NEK10: variants seen among roughly 807,000 people sequenced by gnomAD.
NEK10 encodes the protein NIMA related kinase 10, also known as serine/threonine-protein kinase Nek10.
A neutral mutation model predicts 159.8 loss-of-function variants in NEK10; 122 were observed. That is an observed-to-expected ratio of 0.76 (90% CI 0.66 to 0.89). The LOEUF is 0.89. Among genes scored for constraint, NEK10 ranks in the 40% least tolerant of loss-of-function variants. The pLI is 0.00. For synonymous variants in NEK10, 466 were observed against 457.1 expected, an observed-to-expected ratio of 1.02 and a Z score of -0.25; for missense variants, 1,342 against 1,323.1, an observed-to-expected ratio of 1.01 and a Z score of -0.22.
chr3:27,336,765 G>T (rs1476338037), intron 5 of NEK10, among the ~76,000 whole-genome samples: 1 of 152,138 alleles, frequency 6.6e-6, no homozygotes, highest in Non-Finnish European at 1.5e-5. Flanking sequence ...CATCTCAATA[G>T]ATGCAGAAAA....
At chr3:27,356,330 A>G (rs1471968464) in intron 1 of NEK10, among the ~76,000 whole-genome samples, 1 of 152,134 alleles carries the variant, frequency 6.6e-6, no homozygotes, top group Non-Finnish European at 1.5e-5. Context: ...TGGGCAACAT[A>G]CCAAGACTCC....
chr3:27,206,257 AGAAG>A (rs1261219767), intron 23 of NEK10, among the ~76,000 whole-genome samples: 1 of 152,222 alleles, frequency 6.6e-6, no homozygotes, highest in East Asian at 1.9e-4. Context: ...AGTGACTAGT[AGAAG>A]TACTAGTCAC....
At chr3:27,228,895 GATAAA>G (rs995349899) in intron 23 of NEK10, among the ~76,000 whole-genome samples, 4 of 152,004 alleles carry the variant, frequency 2.6e-5, no homozygotes, top group Non-Finnish European at 4.4e-5. Flanking sequence ...CCTTCTCCCT[GATAAA>G]AACCTCAGCA....
chr3:27,206,966 A>G (rs1160457265), intron 23 of NEK10, among the ~76,000 whole-genome samples: 3 of 152,020 alleles, frequency 2.0e-5, no homozygotes, highest in Admixed American at 2.0e-4. Flanking sequence ...TTATTTTTCT[A>G]CTTCCACTTC....
intron 5 of NEK10, among the ~76,000 whole-genome samples, chr3:27,332,121 A>G (rs1185159770): frequency 6.6e-6 from 1 of 152,214 alleles, no homozygotes; most frequent in Non-Finnish European, 1.5e-5. Flanking sequence ...CCACTTCAAA[A>G]TAATACCAAA....
chr3:27,297,592 A>G (rs1352532408), intron 13 of NEK10, among the ~76,000 whole-genome samples: 1 of 152,238 alleles, frequency 6.6e-6, no homozygotes, highest in Non-Finnish European at 1.5e-5. Context: ...AAATATATCT[A>G]TAATGGTTGA....
chr3:27,200,682 A>G (rs371320214), intron 25 of NEK10, among the ~76,000 whole-genome samples: 15 of 152,190 alleles, frequency 9.9e-5, no homozygotes, highest in South Asian at 2.1e-4. Flanking sequence ...CACATGTATA[A>G]TATGTCAGGG....
At chr3:27,152,785 A>T (rs1054326442) in intron 30 of NEK10, among the ~76,000 whole-genome samples, 1 of 152,206 alleles carries the variant, frequency 6.6e-6, no homozygotes, top group Non-Finnish European at 1.5e-5. Flanking sequence ...ACACATAAGG[A>T]CTCACAAAAG....
chr3:27,359,387 T>C (rs1244988017), intron 1 of NEK10, among the ~76,000 whole-genome samples: 1 of 152,214 alleles, frequency 6.6e-6, no homozygotes, highest in Admixed American at 6.5e-5. Flanking sequence ...AAGAAGTCTC[T>C]GTTTCTTCTG....
intron 23 of NEK10, among the ~76,000 whole-genome samples, chr3:27,220,573 C>A (rs556725908): frequency 1.3e-5 from 2 of 151,300 alleles, no homozygotes; most frequent in South Asian, 2.1e-4. Context: ...AGACATCTTG[C>A]GGGGGTGGGG....
chr3:27,257,388 T>C (rs1039140663), intron 22 of NEK10, among the ~76,000 whole-genome samples: 1 of 152,362 alleles, frequency 6.6e-6, no homozygotes, highest in African/African-American at 2.4e-5. Flanking sequence ...TAAGCTTTGA[T>C]ATTCTCAATA....
chr3:27,247,060 C>A (rs1284266031), intron 23 of NEK10, among the ~76,000 whole-genome samples: 3 of 152,046 alleles, frequency 2.0e-5, no homozygotes, highest in Non-Finnish European at 4.4e-5. Flanking sequence ...AAGATCATAT[C>A]ATCTGCAAAC....
At chr3:27,277,527 C>A (rs1039794213) in intron 22 of NEK10, among the ~76,000 whole-genome samples, 1 of 152,100 alleles carries the variant, frequency 6.6e-6, no homozygotes, top group African/African-American at 2.4e-5. Flanking sequence ...AGCTCCCCAC[C>A]CACCAAGGCT....
chr3:27,257,744 C>G (rs1163639129), intron 22 of NEK10, among the ~76,000 whole-genome samples: 1 of 151,536 alleles, frequency 6.6e-6, no homozygotes, highest in South Asian at 2.1e-4. Flanking sequence ...TTGAGTAACC[C>G]TGGGCAAGTT....
intron 22 of NEK10, among the ~76,000 whole-genome samples, chr3:27,258,860 C>A (rs1302173318): frequency 6.6e-6 from 1 of 152,156 alleles, no homozygotes; most frequent in Non-Finnish European, 1.5e-5. Flanking sequence ...TCCTATTTCT[C>A]CACATCCTCT....
chr3:27,169,858 G>A (rs548854177), intron 29 of NEK10, among the ~76,000 whole-genome samples: 36 of 152,228 alleles, frequency 2.4e-4, no homozygotes, highest in African/African-American at 8.7e-4. Flanking sequence ...GCAGTAAACA[G>A]GAACCTGATC....
At chr3:27,150,668 T>C (rs1006682899) in intron 30 of NEK10, among the ~76,000 whole-genome samples, 3 of 152,224 alleles carry the variant, frequency 2.0e-5, no homozygotes, top group African/African-American at 7.2e-5. Flanking sequence ...GATATTAATG[T>C]TGTTTTCATG....
chr3:27,334,269 A>G (rs1394157680), intron 5 of NEK10, among the ~76,000 whole-genome samples: 1 of 152,134 alleles, frequency 6.6e-6, no homozygotes, highest in Non-Finnish European at 1.5e-5. Flanking sequence ...TGCAGCCACC[A>G]CCAACACCAG....
At chr3:27,218,166 A>C (rs770939344) in intron 23 of NEK10, among the ~76,000 whole-genome samples, 24 of 152,336 alleles carry the variant, frequency 1.6e-4, no homozygotes, top group Admixed American at 6.5e-4. Context: ...CCAGGTGAGA[A>C]GGAGCAGGAC....
Sources: gnomAD v4.1 joint callset for allele counts (sites outside exome capture counted in the v4.1 genomes callset) on GRCh38, gnomAD v4.1.1 for gene constraint, MANE v1.5 for transcripts, NCBI Gene and HGNC (gene_info 2026-07-23, HGNC 2026-07-21) for gene names.